Variants in SCN2A observed in about 807,000 individuals in gnomAD.
SCN2A encodes the protein sodium channel protein type 2 subunit alpha.
A neutral mutation model predicts 188.7 loss-of-function variants in SCN2A; 20 were observed. The ratio of observed to expected loss-of-function variants is 0.11; its 90% confidence interval spans 0.07 to 0.15. The LOEUF is 0.15. Ranked by LOEUF, SCN2A falls within the 10% of genes least tolerant of loss-of-function variation. The pLI, the probability that SCN2A is intolerant of heterozygous loss-of-function variation, is 1.00. For missense variants in SCN2A, 1,278 were observed against 2,445.0 expected, an observed-to-expected ratio of 0.52 and a Z score of 10.07; for synonymous variants, 804 against 833.1, an observed-to-expected ratio of 0.97 and a Z score of 0.60.
Position 165,313,891 on chromosome 2 carries a change from C to G in SCN2A, c.1177-11C>G. On this transcript the variant is annotated splice_polypyrimidine_tract_variant and intron_variant, in intron 9 of 26. Coordinates refer to ENST00000375437, the MANE Select transcript of SCN2A (RefSeq NM_001040142.2). ...TATAAAATTTATTAAAATCTCTCTT[C>G]CATTTTGCAGACACTACGTGCTGCT... The G allele has an allele frequency of 1.2e-6, 2 of 1,613,628 alleles. No individual in the cohort carries two copies. The highest frequency in any genetic ancestry group is 1.7e-6 in the Non-Finnish European group (2 of 1,179,692).
chr2:165,364,503 A>G (rs942752021), intron 17 of SCN2A, among the ~76,000 whole-genome samples: 5 of 152,252 alleles, frequency 3.3e-5, no homozygotes, highest in Non-Finnish European at 7.3e-5. Context: ...CAGAGTAACA[A>G]GTAGTTTCCA....
In SCN2A at chr2:165,313,884, C is replaced by T. The variant is rs1282413681; in HGVS notation, c.1177-18C>T. The T allele has an allele frequency of 6.2e-7, 1 of 1,613,430 alleles. No individual in the cohort carries two copies. The highest frequency in any genetic ancestry group is 8.5e-7 in the Non-Finnish European group (1 of 1,179,534). On this transcript the variant is annotated intron_variant, in intron 9 of 26. Transcript: ENST00000375437. ...CATCCTATATAAAATTTATTAAAAT[C>T]TCTCTTCCATTTTGCAGACACTACG...
At chr2:165,276,884 G>A (rs1695365222) in intron 1 of SCN2A, among the ~76,000 whole-genome samples, 2 of 152,066 alleles carry the variant, frequency 1.3e-5, no homozygotes, top group African/African-American at 4.8e-5. Flanking sequence ...TTAAAAATTA[G>A]TTCAATTCTG....
intron 16 of SCN2A, among the ~76,000 whole-genome samples, chr2:165,348,973 T>C (rs1232082702): frequency 6.6e-6 from 1 of 152,242 alleles, no homozygotes; most frequent in Admixed American, 6.5e-5. Context: ...TTCTGCCATA[T>C]TGTATTCATT....
At chr2:165,255,423 G>T (rs1694270562) in intron 1 of SCN2A, among the ~76,000 whole-genome samples, 1 of 151,766 alleles carries the variant, frequency 6.6e-6, no homozygotes, top group Admixed American at 6.6e-5. Flanking sequence ...TACATGATTT[G>T]GTATTCACGT....
At chr2:165,314,288 G>A (rs1161205517) in intron 10 of SCN2A, among the ~76,000 whole-genome samples, 180 bp downstream of exon 10, 1 of 152,142 alleles carries the variant, frequency 6.6e-6, no homozygotes. Flanking sequence ...TGTCAATAGT[G>A]TCAATAGTAA....
At chr2:165,295,662 T>G in intron 1 of SCN2A, 111 bp from the exon 2 acceptor site, 1 of 975,060 alleles carries the variant, frequency 1.0e-6, no homozygotes, top group Non-Finnish European at 1.5e-6. Flanking sequence ...TTTGAAAATA[T>G]TATAGCTATC....
intron 14 of SCN2A, among the ~76,000 whole-genome samples, chr2:165,339,437 A>T (rs1455820933): frequency 1.3e-5 from 2 of 152,076 alleles, no homozygotes; most frequent in Non-Finnish European, 1.5e-5. Context: ...AACAAATAAA[A>T]TGCATAAATA....
At chr2:165,304,908 G>A (rs1472656266) in intron 3 of SCN2A, among the ~76,000 whole-genome samples, 2 of 152,174 alleles carry the variant, frequency 1.3e-5, no homozygotes, top group Admixed American at 1.3e-4. Context: ...CTACCAAAAT[G>A]ATGCATATTA....
At chr2:165,364,194 TAATA>T (rs1263496543) in intron 17 of SCN2A, among the ~76,000 whole-genome samples, 1 of 152,156 alleles carries the variant, frequency 6.6e-6, no homozygotes, top group Non-Finnish European at 1.5e-5. Context: ...GCACTAATGG[TAATA>T]ACATTGTAAC....
intron 1 of SCN2A, chr2:165,270,521 A>G (rs1432146768): frequency 6.6e-6 from 1 of 152,018 alleles, no homozygotes; most frequent in African/African-American, 2.4e-5. Context: ...GCAAGTTGCC[A>G]TTGACTTTCG....
At chr2:165,365,418 C>T (rs1451038487) in intron 18 of SCN2A, among the ~76,000 whole-genome samples, 155 bp downstream of exon 18, 1 of 145,476 alleles carries the variant, frequency 6.9e-6, no homozygotes, top group Non-Finnish European at 1.5e-5. Context: ...CTATACCTAT[C>T]CAACAACTGT....
chr2:165,309,032 T>C, intron 5 of SCN2A: 1 of 1,121,620 alleles, frequency 8.9e-7, no homozygotes, highest in Admixed American at 2.1e-5. Context: ...AGATTATGAT[T>C]GATGACAATG....
In SCN2A at chr2:165,295,963, A is replaced by G; in HGVS notation, c.140A>G (p.Glu47Gly). The change falls in exon 2 of 27, where the codon GAA (glutamate) becomes GGA (glycine). Residue 47 changes from glutamate to glycine, a missense_variant. Physicochemically the swap from Glu to Gly is moderately conservative, Grantham distance 98. Coordinates refer to ENST00000375437, the MANE Select transcript of SCN2A (RefSeq NM_001040142.2). Reference sequence around the variant, plus strand: ...CAGGAACGCAAGGATGAGGATGATGAAAATGGCCCAAAGCCAAACAGTGAC... The same window carrying G: ...CAGGAACGCAAGGATGAGGATGATGGAAATGGCCCAAAGCCAAACAGTGAC... Reference protein sequence around the residue: ...PKQERKDEDDENGPKPNSDLE... With the variant: ...PKQERKDEDDGNGPKPNSDLE... The G allele has an allele frequency of 6.2e-7, 1 of 1,614,160 alleles. No homozygotes were observed. The highest frequency in any genetic ancestry group is 8.5e-7 in the Non-Finnish European group (1 of 1,180,026).
chr2:165,310,256 A>C (rs1477072885), intron 6 of SCN2A, 67 bp from the exon 7 acceptor site: 4 of 1,506,092 alleles, frequency 2.7e-6, no homozygotes, highest in Non-Finnish European at 2.8e-6. Context: ...CAAGCTCATG[A>C]TATTTTTGCC....
chr2:165,249,671 AC>A (rs1192938176), intron 1 of SCN2A, among the ~76,000 whole-genome samples: 1 of 151,994 alleles, frequency 6.6e-6, no homozygotes, highest in African/African-American at 2.4e-5. Flanking sequence ...TATATAAATC[AC>A]CAAGATCTAA....
intron 25 of SCN2A, among the ~76,000 whole-genome samples, chr2:165,382,800 AG>A (rs1701673695): frequency 6.6e-6 from 1 of 152,188 alleles, no homozygotes; most frequent in Admixed American, 6.6e-5. Context: ...TAGCATTGTC[AG>A]AACAAAATTC....
chr2:165,249,007 T>A (rs1162663991), intron 1 of SCN2A, among the ~76,000 whole-genome samples: 1 of 152,130 alleles, frequency 6.6e-6, no homozygotes, highest in Non-Finnish European at 1.5e-5. Context: ...AAATCAAACC[T>A]TAAATGACAG....
intron 14 of SCN2A, among the ~76,000 whole-genome samples, chr2:165,333,464 AAAAT>A (rs1698810253): frequency 6.6e-6 from 1 of 151,992 alleles, no homozygotes; most frequent in East Asian, 1.9e-4. Flanking sequence ...TTTCTGATAA[AAAAT>A]AAAATGAAAT....
Sources: gnomAD v4.1 joint callset for allele counts (sites outside exome capture counted in the v4.1 genomes callset) on GRCh38, gnomAD v4.1.1 for gene constraint, MANE v1.5 for transcripts, NCBI Gene and HGNC (gene_info 2026-07-23, HGNC 2026-07-21) for gene names.